The following NDST1 variants were observed in gnomAD, a reference collection of about 807,000 sequenced individuals.
NDST1 encodes bifunctional heparan sulfate N-deacetylase/N-sulfotransferase 1.
Under a neutral mutation model 92.8 loss-of-function variants are expected in NDST1, and 35 were observed. That is an observed-to-expected ratio of 0.38 (90% CI 0.29 to 0.50). The LOEUF (loss-of-function observed/expected upper bound fraction) is 0.50, where lower values mean the gene tolerates loss of function less well. Ranked by LOEUF, NDST1 falls within the 20% of genes least tolerant of loss-of-function variation. The probability of loss-of-function intolerance (pLI) is 0.94; values close to 1 mark genes in which losing one functional copy is unlikely to be tolerated. For missense variants in NDST1, 822 were observed against 1,182.7 expected (o/e 0.69, Z 4.47); for synonymous variants, 493 against 500.3 (o/e 0.99, Z 0.19).
rs1278213893 is a variant in NDST1 at position 150,554,347 on chromosome 5, A to ATG, written c.*1016_*1017insGT. ...GGGTCGCACTGTGTTATATATATATATATATATATATAATGTGTATATATA... is the reference window on the plus strand; with the variant it reads ...GGGTCGCACTGTGTTATATATATATATGTATATATATATAATGTGTATATATA... On this transcript the variant is annotated 3_prime_UTR_variant, in exon 15 of 15. Transcript: ENST00000261797. The ATG allele has an allele frequency of 6.2e-6, 1 of 160,978 alleles. No homozygotes were observed. The highest frequency in any genetic ancestry group is 1.3e-5 in the Non-Finnish European group (1 of 78,142). 10.0% of individuals were successfully genotyped at this position (160,978 alleles called of 1,614,324 possible).
chr5:150,527,155 G>C (rs553741847), intron 2 of NDST1, among the ~76,000 whole-genome samples: 1 of 152,348 alleles, frequency 6.6e-6, no homozygotes, highest in Non-Finnish European at 1.5e-5. Flanking sequence ...GTGGGTGCTA[G>C]GGCTCGACCT....
chr5:150,553,893 C>T lies in NDST1; in HGVS notation c.*561C>T, dbSNP rs977618393. 2.1e-5 allele frequency: 9 copies of T among 425,946 alleles called. No homozygotes were observed. The highest frequency in any genetic ancestry group is 1.6e-4 in the African/African-American group (8 of 50,428). 26.4% of individuals were successfully genotyped at this position (425,946 alleles called of 1,614,324 possible). On this transcript the variant is annotated 3_prime_UTR_variant, in exon 15 of 15. Transcript: ENST00000261797. The surrounding 1 kb of genome is among the most constrained non-coding windows in gnomAD (Gnocchi z 4.2). Reference sequence around the variant, plus strand: ...TCCCAGCCTCCACATCTGGTTCCTACCTTCACATCTCACCCTCCCGTTCTG... The same window carrying T: ...TCCCAGCCTCCACATCTGGTTCCTATCTTCACATCTCACCCTCCCGTTCTG...
chr5:150,513,234 T>TA (rs1225928964), intron 1 of NDST1, among the ~76,000 whole-genome samples: 1 of 152,116 alleles, frequency 6.6e-6, no homozygotes, highest in East Asian at 1.9e-4. Flanking sequence ...CTCACGTCTA[T>TA]AATCCCAGCA....
Position 150,553,496 on chromosome 5 carries a change from CAAGCACCTCG to C in NDST1, c.*165_*174del. The C allele has an allele frequency of 1.0e-6, 1 of 989,690 alleles. No homozygotes were observed. 61.3% of individuals were successfully genotyped at this position (989,690 alleles called of 1,614,324 possible). A position where few individuals can be genotyped will look rare whatever the true frequency, so the allele number is the denominator to read the frequency against. On this transcript the variant is annotated 3_prime_UTR_variant, in exon 15 of 15. Transcript: ENST00000261797. This position sits in a 1 kb window ranked among gnomAD's most constrained non-coding sequence, Gnocchi z 4.2. ...CTGGGGGAGCACCCAGGCGGATCTG[CAAGCACCTCG>C]GAGCACCCACCGCTGGGTCTGCGGC...
At chr5:150,513,001 A>G (rs553973779) in intron 1 of NDST1, among the ~76,000 whole-genome samples, 49 of 152,196 alleles carry the variant, frequency 3.2e-4, no homozygotes, top group African/African-American at 1.2e-3. Context: ...CCAGGAGTTC[A>G]AGACCAGCCT....
chr5:150,549,625 C>A, intron 12 of NDST1, 53 bp from the exon 13 acceptor site: 2 of 1,138,510 alleles, frequency 1.8e-6, no homozygotes, highest in South Asian at 1.3e-5. Context: ...GGCTGTTGCC[C>A]TTGTTTGCCA....
chr5:150,520,985 C>T lies in NDST1; in HGVS notation c.-270C>T. The T allele has an allele frequency of 1.7e-6, 1 of 584,866 alleles. No individual in the cohort carries two copies. The highest frequency in any genetic ancestry group is 2.2e-5 in the South Asian group (1 of 46,194). 36.2% of individuals were successfully genotyped at this position (584,866 alleles called of 1,614,324 possible). On this transcript the variant is annotated 5_prime_UTR_variant, in exon 2 of 15. Coordinates refer to ENST00000261797, the MANE Select transcript of NDST1 (RefSeq NM_001543.5). ...GCCCTGACGCCCTGGGGCACTTCTGCTCTGCACAGGACCACGCGGGGGTTT... is the reference window on the plus strand; with the variant it reads ...GCCCTGACGCCCTGGGGCACTTCTGTTCTGCACAGGACCACGCGGGGGTTT...
intron 10 of NDST1, among the ~76,000 whole-genome samples, chr5:150,543,477 T>C (rs1755339345): frequency 6.6e-6 from 1 of 152,240 alleles, no homozygotes; most frequent in Non-Finnish European, 1.5e-5. Context: ...AGGGTCCTAG[T>C]AGAGGTTCCC....
upstream of NDST1, among the ~76,000 whole-genome samples, chr5:150,504,016 G>T (rs1753343701): frequency 6.6e-6 from 1 of 152,176 alleles, no homozygotes; most frequent in Non-Finnish European, 1.5e-5. Flanking sequence ...CTCGGTTTCT[G>T]GTCTGCATCC....
intron 1 of NDST1, among the ~76,000 whole-genome samples, chr5:150,518,455 GC>G (rs930493668): frequency 5.9e-5 from 9 of 152,178 alleles, no homozygotes; most frequent in Non-Finnish European, 1.0e-4. Flanking sequence ...CATGCAGGAA[GC>G]CCAGAGGGAG....
At chr5:150,505,695 T>C (rs1028932156), upstream of NDST1, among the ~76,000 whole-genome samples, 1 of 152,160 alleles carries the variant, frequency 6.6e-6, no homozygotes, top group African/African-American at 2.4e-5. Context: ...TCGGTTATGC[T>C]CCCTACAGAA....
rs972748317 is a variant in NDST1 at position 150,539,930 on chromosome 5, C to T, written c.1567-152C>T. 3 of 1,208,592 alleles carry T rather than the reference C, an allele frequency of 2.5e-6. No homozygotes were observed. The African/African-American group carries it at 4.5e-5, about 18-fold the overall frequency. The allele number at this position is 1,208,592 out of a possible 1,614,324, so 74.9% of individuals were successfully genotyped here. A position where few individuals can be genotyped will look rare whatever the true frequency, so the allele number is the denominator to read the frequency against. On this transcript the variant is annotated intron_variant, in intron 7 of 14. Transcript: ENST00000261797. ...GTTCGTCTGTCACCTCATCCAAGTA[C>T]TCGCAGCGAGTTTGTTGACAGCGCC...
At chr5:150,549,835 C>G in intron 13 of NDST1, 48 bp downstream of exon 13, 1 of 1,173,062 alleles carries the variant, frequency 8.5e-7, no homozygotes, top group African/African-American at 1.5e-5. Context: ...TGATAAGGCA[C>G]CTGGGCCAAC....
At chr5:150,535,277 C>T in intron 5 of NDST1, 1 of 982,550 alleles carries the variant, frequency 1.0e-6, no homozygotes, top group Non-Finnish European at 1.2e-6. Flanking sequence ...GACTTAAACT[C>T]AGGCCATTTG....
At position 150,556,503 on chromosome 5, in the gene NDST1, T is replaced by G. The variant is rs1173475421; in HGVS notation, c.*3171T>G. On this transcript the variant is annotated 3_prime_UTR_variant, in exon 15 of 15. Transcript: ENST00000261797. Reference sequence around the variant, plus strand: ...TGGGCTTGTTAGTGGGAAAAGCAAATACAACAATGTTTTACCAAACATTTA... The same window carrying G: ...TGGGCTTGTTAGTGGGAAAAGCAAAGACAACAATGTTTTACCAAACATTTA... 2.0e-5 allele frequency: 3 copies of G among 152,172 alleles called. No individual in the cohort carries two copies. Among genetic ancestry groups the G allele is most frequent in the African/African-American group, 7.2e-5 (3 of 41,446 alleles). The allele number at this position is 152,172 out of a possible 1,614,324, so 9.4% of individuals were successfully genotyped here. A position where few individuals can be genotyped will look rare whatever the true frequency, so the allele number is the denominator to read the frequency against.
intron 1 of NDST1, among the ~76,000 whole-genome samples, chr5:150,513,373 C>T (rs968449514): frequency 6.6e-6 from 1 of 152,132 alleles, no homozygotes; most frequent in East Asian, 1.9e-4. Context: ...TGCCTGTAAT[C>T]CCCACTACTC....
intron 1 of NDST1, among the ~76,000 whole-genome samples, chr5:150,502,397 C>A (rs535183156): frequency 3.3e-5 from 5 of 152,168 alleles, no homozygotes; most frequent in African/African-American, 1.2e-4. Flanking sequence ...GCTTGAGGAA[C>A]TGGAAGGACA....
In NDST1 at chr5:150,521,221, C is replaced by A; in HGVS notation, c.-34C>A. 1 of 1,589,612 alleles carries A rather than the reference C, an allele frequency of 6.3e-7. No individual in the cohort carries two copies. Among genetic ancestry groups the A allele is most frequent in the Non-Finnish European group, 8.5e-7 (1 of 1,171,168 alleles). Reference sequence around the variant, plus strand: ...GGGCCTTGGGGTAGCCAGGGCAGGCCGGGCCTCCGGTGGCCAAGGTCTCGG... The same window carrying A: ...GGGCCTTGGGGTAGCCAGGGCAGGCAGGGCCTCCGGTGGCCAAGGTCTCGG... On this transcript the variant is annotated 5_prime_UTR_variant, in exon 2 of 15. Transcript: ENST00000261797. This position sits in a 1 kb window ranked among gnomAD's most constrained non-coding sequence, Gnocchi z 5.9.
rs1325470908 is a variant in NDST1 at position 150,535,606 on chromosome 5, CCT to C, written c.1252-91_1252-90del. On this transcript the variant is annotated intron_variant, in intron 5 of 14. Coordinates refer to ENST00000261797, the MANE Select transcript of NDST1 (RefSeq NM_001543.5). Reference sequence around the variant, plus strand: ...CAGACCAGCAGCCATGCCGACCTAACCTCTGATTTCTCTCTCCCATTCTACAA... The same window carrying C: ...CAGACCAGCAGCCATGCCGACCTAACCTGATTTCTCTCTCCCATTCTACAA... The C allele has an allele frequency of 4.7e-6, 7 of 1,482,596 alleles. No individual in the cohort carries two copies. In the East Asian group the frequency reaches 1.6e-4, roughly 34 times the overall value. 91.8% of individuals were successfully genotyped at this position (1,482,596 alleles called of 1,614,324 possible).
Sources: gnomAD v4.1 joint callset for allele counts (sites outside exome capture counted in the v4.1 genomes callset) on GRCh38, gnomAD v4.1.1 for gene constraint, Gnocchi (gnomAD v3.1) non-coding constraint, MANE v1.5 for transcripts, NCBI Gene and HGNC (gene_info 2026-07-23, HGNC 2026-07-21) for gene names.